SBK3: variants seen among roughly 807,000 people sequenced by gnomAD.
SBK3 encodes SH3 domain binding kinase family member 3.
SBK3 carries 16 observed loss-of-function variants against 12.7 expected under a neutral mutation model. The ratio of observed to expected loss-of-function variants is 1.26; its 90% CI spans 0.86 to 1.92. The LOEUF (loss-of-function observed/expected upper bound fraction) is 1.92. Ranked by LOEUF, SBK3 falls within the 40% of genes most tolerant of loss-of-function variation. SBK3 has a pLI of 0.00. For synonymous variants in SBK3, 217 were observed against 213.6 expected (o/e 1.02, Z -0.14); for missense variants, 462 against 481.8 (o/e 0.96, Z 0.38).
Position 55,541,536 on chromosome 19 carries a change from A to G in SBK3, c.400-10T>C. 3 of 1,496,538 alleles carry G rather than the reference A, an allele frequency of 2.0e-6. No individual in the cohort carries two copies. The highest frequency in any genetic ancestry group is 3.5e-4 in the Middle Eastern group (2 of 5,788). The allele number at this position is 1,496,538 out of a possible 1,614,324, so 92.7% of individuals were successfully genotyped here. On this transcript the variant is annotated splice_polypyrimidine_tract_variant and intron_variant, in intron 3 of 3. Transcript: ENST00000612221. This position sits in a 1 kb window ranked among gnomAD's most constrained non-coding sequence, Gnocchi z 5.3. ...GCAGTTCTGGGAGGCCCTGAGGTCA[A>G]GAAGACAGGAGGAGGGTCAGAGTGT...
intron 3 of SBK3, among the ~76,000 whole-genome samples, chr19:55,542,697 A>G (rs1988581751): frequency 7.1e-6 from 1 of 140,020 alleles, no homozygotes; most frequent in Non-Finnish European, 1.5e-5. Flanking sequence ...CCACTCAACC[A>G]ATCCTTTCAT....
At position 55,540,908 on chromosome 19, in the gene SBK3, T is replaced by A; in HGVS notation, c.1018A>T (p.Thr340Ser). Reference protein sequence around the residue: ...EEGGSSLEEWTDEGDDSKSGG... With the variant: ...EEGGSSLEEWSDEGDDSKSGG... ...CTTTTGCTGTCATCACCCTCATCTGTCCACTCCTCCAGGCTTGAGCCTCCC... is the reference window on the plus strand; with the variant it reads ...CTTTTGCTGTCATCACCCTCATCTGACCACTCCTCCAGGCTTGAGCCTCCC... The change falls in exon 4 of 4, where the codon ACA becomes TCA. Residue 340 changes from threonine (T) to serine (S), a missense_variant. Thr to Ser is a moderately conservative substitution (Grantham distance 58). Transcript: ENST00000612221. 1 of 1,536,170 alleles carries A rather than the reference T, an allele frequency of 6.5e-7. No homozygotes were observed. The highest frequency in any genetic ancestry group is 1.2e-5 in the South Asian group (1 of 84,056).
At position 55,540,845 on chromosome 19, in the gene SBK3, G is replaced by C; in HGVS notation, c.*1C>G. ...TCTGGCCACCTGTCTCTGTCACCTGGTCAGGGAGCTCCCCCATCTGTCCCC... is the reference window on the plus strand; with the variant it reads ...TCTGGCCACCTGTCTCTGTCACCTGCTCAGGGAGCTCCCCCATCTGTCCCC... On this transcript the variant is annotated 3_prime_UTR_variant, in exon 4 of 4. Coordinates refer to ENST00000612221, the MANE Select transcript of SBK3 (RefSeq NM_001199824.2). The C allele has an allele frequency of 5.2e-6, 8 of 1,535,844 alleles. No individual in the cohort carries two copies. The highest frequency in any genetic ancestry group is 7.0e-6 in the Non-Finnish European group (8 of 1,146,696).
At position 55,545,070 on chromosome 19, in the gene SBK3, C is replaced by A. The variant is rs1046507364; in HGVS notation, c.46-121G>T. On this transcript the variant is annotated intron_variant, in intron 1 of 3. Coordinates refer to ENST00000612221, the MANE Select transcript of SBK3 (RefSeq NM_001199824.2). This position sits in a 1 kb window ranked among gnomAD's most constrained non-coding sequence, Gnocchi z 4.4. ...GGGCAGGGGACAGGGGTCACTGTCC[C>A]CAGAGAGGAGGATGAGTCACAGTGA... 2.0e-5 allele frequency: 15 copies of A among 735,284 alleles called. No individual in the cohort carries two copies. Among genetic ancestry groups the A allele is most frequent in the Non-Finnish European group, 3.2e-5 (15 of 463,982 alleles). 45.5% of individuals were successfully genotyped at this position (735,284 alleles called of 1,614,324 possible). A position where few individuals can be genotyped will look rare whatever the true frequency, so the allele number is the denominator to read the frequency against.
intron 3 of SBK3, among the ~76,000 whole-genome samples, chr19:55,542,148 G>A (rs552455108): frequency 7.9e-5 from 12 of 152,146 alleles, no homozygotes; most frequent in East Asian, 3.9e-4. Context: ...TTATCTATCC[G>A]TCTAGCCAGC....
chr19:55,543,180 T>TCCAC (rs1988600452), intron 3 of SBK3, among the ~76,000 whole-genome samples: 1 of 86,690 alleles, frequency 1.2e-5, no homozygotes, highest in Non-Finnish European at 2.3e-5. Flanking sequence ...CACCCATCCA[T>TCCAC]CCACCCACCC....
Position 55,544,899 on chromosome 19 carries a change from C to T in SBK3, c.96G>A (p.Arg32=), listed in dbSNP as rs1053137539. 4.6e-6 allele frequency: 7 copies of T among 1,534,302 alleles called. No homozygotes were observed. The highest frequency in any genetic ancestry group is 2.7e-5 in the African/African-American group (2 of 72,954). Residue 32 remains arginine (R), a synonymous_variant, in exon 2 of 4, where the codon AGG becomes AGA. Transcript: ENST00000612221. ...CCCGAAGGCTCCTCACCGGGGTCAC[C>T]CTGCTGGTCGTCAGCTCCACCAGCC... The part of the protein sequence containing the change: ...LQRLVELTTS[R]VTPVRSLRDQ...
Position 55,541,144 on chromosome 19 carries a change from G to A in SBK3, c.782C>T (p.Thr261Ile). The A allele has an allele frequency of 6.5e-7, 1 of 1,535,810 alleles. No individual in the cohort carries two copies. The highest frequency in any genetic ancestry group is 8.7e-7 in the Non-Finnish European group (1 of 1,146,774). ...TGGTGGCTGAGGTGGCTGAGGCTTG[G>A]TGGTCACCCAGCCAGCGAAGGCCTC... Reference protein sequence around the residue: ...EFEAFAGWVTTKPQPPQPPPP... With the variant: ...EFEAFAGWVTIKPQPPQPPPP... Residue 261 changes from threonine (T) to isoleucine (I), a missense_variant, in exon 4 of 4, where the codon ACC (threonine) becomes ATC (isoleucine). Physicochemically the swap from Thr to Ile is moderately conservative, Grantham distance 89. Coordinates refer to ENST00000612221, the MANE Select transcript of SBK3 (RefSeq NM_001199824.2). The surrounding 1 kb of genome is among the most constrained non-coding windows in gnomAD (Gnocchi z 5.3).
rs531581461 is a variant in SBK3, at chr19:55,541,853, C to T, written c.400-327G>A. ...CAACCTCAACCTGCAGCCATATCTG[C>T]ACTCCTGTAGACCAACTCCCAGCTG... On this transcript the variant is annotated intron_variant, in intron 3 of 3. Transcript: ENST00000612221. This position sits in a 1 kb window ranked among gnomAD's most constrained non-coding sequence, Gnocchi z 5.3. Among the ~76,000 whole-genome samples the T allele has an allele frequency of 1.1e-4, 17 of 152,330 alleles. No individual in the cohort carries two copies. The highest frequency in any genetic ancestry group is 4.1e-4 in the African/African-American group (17 of 41,568).
At chr19:55,543,115 A>C (rs1180865822) in intron 3 of SBK3, among the ~76,000 whole-genome samples, 1 of 133,004 alleles carries the variant, frequency 7.5e-6, no homozygotes, top group Non-Finnish European at 1.6e-5. Flanking sequence ...TCACCTACCA[A>C]ACCTTTCATC....
chr19:55,544,553 C>T (rs1242597798), intron 2 of SBK3, among the ~76,000 whole-genome samples: 2 of 152,164 alleles, frequency 1.3e-5, no homozygotes, highest in Non-Finnish European at 2.9e-5. Context: ...GTAAGAGACA[C>T]GGTGGTGACT....
chr19:55,541,175 C>T lies in SBK3; in HGVS notation c.751G>A (p.Glu251Lys). 1 of 1,536,008 alleles carries T rather than the reference C, an allele frequency of 6.5e-7. No homozygotes were observed. Among genetic ancestry groups the T allele is most frequent in the Non-Finnish European group, 8.7e-7 (1 of 1,146,874 alleles). The stretch of plus-strand genomic sequence containing the variant: ...ACCCAGCCAGCGAAGGCCTCGAACT[C>T]AGGGTTGGGGGCCAGTGCCACGTCC... ...PWDVALAPNP[E>K]FEAFAGWVTT... Residue 251 changes from glutamate (E) to lysine (K), a missense_variant, in exon 4 of 4, where the codon GAG becomes AAG. Transcript: ENST00000612221. This position sits in a 1 kb window ranked among gnomAD's most constrained non-coding sequence, Gnocchi z 5.3.
chr19:55,544,037 G>A (rs1017127137), intron 3 of SBK3, 63 bp downstream of exon 3: 49 of 1,358,120 alleles, frequency 3.6e-5, no homozygotes, highest in Non-Finnish European at 3.7e-5. Flanking sequence ...AGACAGAGAC[G>A]GGGCTTGGGA....
At position 55,541,172 on chromosome 19, in the gene SBK3, A is replaced by C; in HGVS notation, c.754T>G (p.Phe252Val). The C allele has an allele frequency of 6.5e-7, 1 of 1,535,904 alleles. No individual in the cohort carries two copies. The highest frequency in any genetic ancestry group is 8.7e-7 in the Non-Finnish European group (1 of 1,146,862). Residue 252 changes from phenylalanine (F) to valine (V), a missense_variant, in exon 4 of 4, where the codon TTC (phenylalanine) becomes GTC (valine). Phe to Val is a conservative substitution (Grantham distance 50). Coordinates refer to ENST00000612221, the MANE Select transcript of SBK3 (RefSeq NM_001199824.2). This position sits in a 1 kb window ranked among gnomAD's most constrained non-coding sequence, Gnocchi z 5.3. ...WDVALAPNPE[F>V]EAFAGWVTTK... The stretch of plus-strand genomic sequence containing the variant: ...GTCACCCAGCCAGCGAAGGCCTCGA[A>C]CTCAGGGTTGGGGGCCAGTGCCACG...
intron 3 of SBK3, among the ~76,000 whole-genome samples, chr19:55,542,590 T>C (rs1310510277): frequency 7.1e-6 from 1 of 140,790 alleles, no homozygotes; most frequent in Admixed American, 7.1e-5. Context: ...CTTCCGTCCA[T>C]CCATCCATCC....
chr19:55,545,259 C>T lies in SBK3; in HGVS notation c.45+240G>A. On this transcript the variant is annotated intron_variant, in intron 1 of 3. Coordinates refer to ENST00000612221, the MANE Select transcript of SBK3 (RefSeq NM_001199824.2). The surrounding 1 kb of genome is among the most constrained non-coding windows in gnomAD (Gnocchi z 4.4). ...AGTCCCCCTGCCCACCCTGGTCTCTCTCTCCACCGTCCTCTTCCCCTGTGC... is the reference window on the plus strand; with the variant it reads ...AGTCCCCCTGCCCACCCTGGTCTCTTTCTCCACCGTCCTCTTCCCCTGTGC... 2 of 587,122 alleles carry T rather than the reference C, an allele frequency of 3.4e-6. No individual in the cohort carries two copies. Among genetic ancestry groups the T allele is most frequent in the Non-Finnish European group, 6.0e-6 (2 of 331,392 alleles). The allele number at this position is 587,122 out of a possible 1,614,324, so 36.4% of individuals were successfully genotyped here. A position where few individuals can be genotyped will look rare whatever the true frequency, so the allele number is the denominator to read the frequency against.
Position 55,544,175 on chromosome 19 carries a change from T to G in SBK3, c.324A>C (p.Leu108=). The G allele has an allele frequency of 1.3e-6, 2 of 1,535,756 alleles. No individual in the cohort carries two copies. The stretch of plus-strand genomic sequence containing the variant: ...CGAAGGCAAAATAGCGGGGGGTCTG[T>G]AGGGGTCCTGCCAGGGTCTGCAGCA... ...PGLLQTLAGP[L]QTPRYFAFAQ... Residue 108 remains leucine (L), a synonymous_variant, in exon 3 of 4, where the codon CTA becomes CTC. Transcript: ENST00000612221.
chr19:55,545,423 C>T lies in SBK3; in HGVS notation c.45+76G>A. On this transcript the variant is annotated intron_variant, in intron 1 of 3. Transcript: ENST00000612221. The surrounding 1 kb of genome is among the most constrained non-coding windows in gnomAD (Gnocchi z 4.4). ...CCCTGTTTTCTGTTTCTCTTCCTCT[C>T]TCTCCCCGTGTTGCCTCCTGCCTCT... is the stretch of plus-strand genomic sequence containing the variant. The T allele has an allele frequency of 8.3e-7, 1 of 1,204,632 alleles. No homozygotes were observed. The highest frequency in any genetic ancestry group is 1.2e-6 in the Non-Finnish European group (1 of 852,892). 74.6% of individuals were successfully genotyped at this position (1,204,632 alleles called of 1,614,324 possible). A position where few individuals can be genotyped will look rare whatever the true frequency, so the allele number is the denominator to read the frequency against.
rs568400367 is a variant in SBK3 at position 55,541,953 on chromosome 19, C to T, written c.400-427G>A. Among the ~76,000 whole-genome samples the T allele has an allele frequency of 6.6e-6, 1 of 152,186 alleles. No homozygotes were observed. The highest frequency in any genetic ancestry group is 6.5e-5 in the Admixed American group (1 of 15,278). On this transcript the variant is annotated intron_variant, in intron 3 of 3. Transcript: ENST00000612221. The surrounding 1 kb of genome is among the most constrained non-coding windows in gnomAD (Gnocchi z 5.3). ...CTTTTAGCTTCTTTCAAAGATTCTC[C>T]TAACTCAAACACTCAGGCCCACTGT...
Sources: gnomAD v4.1 joint callset for allele counts (sites outside exome capture counted in the v4.1 genomes callset) on GRCh38, gnomAD v4.1.1 for gene constraint, Gnocchi (gnomAD v3.1) non-coding constraint, MANE v1.5 for transcripts, NCBI Gene and HGNC (gene_info 2026-07-23, HGNC 2026-07-21) for gene names.